The following TMEM276 variants were observed in gnomAD, a reference collection of about 807,000 sequenced individuals.
The protein encoded by TMEM276 is transmembrane protein 276.
At chr8:144,466,849 G>T in the TMEM276 span, 2 of 1,536,736 alleles carry the variant, frequency 1.3e-6, no homozygotes, top group Non-Finnish European at 1.7e-6. Context: ...GTAGGTGCGG[G>T]CTGGGAGTCC....
the TMEM276 span, chr8:144,464,625 G>A: frequency 2.5e-6 from 4 of 1,598,706 alleles, no homozygotes; most frequent in South Asian, 1.1e-5. Flanking sequence ...GTCAACACAG[G>A]GAAGGGAGAA....
chr8:144,465,218 G>A, the TMEM276 span: 2 of 1,211,222 alleles, frequency 1.7e-6, no homozygotes, highest in Non-Finnish European at 2.1e-6. Context: ...CTGGGGAAGA[G>A]AGAGCGGCGA....
the TMEM276 span, chr8:144,464,428 A>G: frequency 2.5e-6 from 4 of 1,612,154 alleles, no homozygotes; most frequent in African/African-American, 4.0e-5. Context: ...TCCTCCCAGG[A>G]GCAGGTTGGC....
the TMEM276 span, chr8:144,464,063 G>A: frequency 1.9e-6 from 3 of 1,557,742 alleles, no homozygotes; most frequent in Non-Finnish European, 2.6e-6. Flanking sequence ...AAGGCGCCAG[G>A]AGCAGGCAGG....
At chr8:144,466,994 G>A in the TMEM276 span, 1 of 1,596,972 alleles carries the variant, frequency 6.3e-7, no homozygotes, top group Non-Finnish European at 8.5e-7. Flanking sequence ...GGAAGGCGCA[G>A]CCGAGGGCCG....
the TMEM276 span, chr8:144,466,992 C>G: frequency 6.3e-7 from 1 of 1,596,900 alleles, no homozygotes; most frequent in Non-Finnish European, 8.5e-7. Context: ...TCGGAAGGCG[C>G]AGCCGAGGGC....
the TMEM276 span, chr8:144,465,020 G>C: frequency 2.6e-6 from 4 of 1,536,692 alleles, no homozygotes; most frequent in African/African-American, 1.4e-5. Context: ...GTAAGCCCAG[G>C]TTCCAGGTCC....
chr8:144,466,377 G>A, the TMEM276 span: 2 of 857,410 alleles, frequency 2.3e-6, no homozygotes, highest in South Asian at 4.0e-5. Context: ...GCGCGGGGAC[G>A]CGGGGCGGCG....
chr8:144,465,194 G>A, the TMEM276 span: 99 of 1,301,574 alleles, frequency 7.6e-5, no homozygotes, highest in Non-Finnish European at 9.5e-5. Flanking sequence ...TGGAGCCCAA[G>A]TGGGAGTGCG....
the TMEM276 span, chr8:144,466,627 C>T: frequency 1.1e-6 from 1 of 898,570 alleles, no homozygotes; most frequent in East Asian, 3.4e-5. Flanking sequence ...CGGGGCCGTG[C>T]CGAGGACCCT....
the TMEM276 span, chr8:144,465,239 G>T: frequency 5.2e-6 from 6 of 1,150,184 alleles, no homozygotes; most frequent in Non-Finnish European, 6.7e-6. Flanking sequence ...GGCGCTGCAG[G>T]CCCACGCGGC....
At chr8:144,465,067 T>A in the TMEM276 span, 1 of 1,530,164 alleles carries the variant, frequency 6.5e-7, no homozygotes, top group South Asian at 1.2e-5. Context: ...AGTCCTAGAC[T>A]TTCCGGATCC....
the TMEM276 span, chr8:144,464,041 AC>A: frequency 1.3e-6 from 2 of 1,540,912 alleles, no homozygotes; most frequent in African/African-American, 1.4e-5. Flanking sequence ...AGAAGAGTCT[AC>A]CCCTAGGGAG....
chr8:144,465,549 GCCTGGGGGAGAGGGTCGAGA>G, the TMEM276 span: 7 of 398,372 alleles, frequency 1.8e-5, no homozygotes, highest in Admixed American at 1.3e-4. Flanking sequence ...GAGGGTCGAG[GCCTGGGGGAGAGGGTCGAGA>G]CCTGGGGGGG....
At chr8:144,465,709 C>G in the TMEM276 span, 1 of 34,812 alleles carries the variant, frequency 2.9e-5, no homozygotes, top group South Asian at 1.4e-3. Context: ...AGGGCCGGGG[C>G]GGGGCTGCGA....
chr8:144,465,456 G>C, the TMEM276 span: 2,620 of 996,732 alleles, frequency 2.6e-3, 63 homozygotes, highest in African/African-American at 0.044. Context: ...CCCCAGTTGC[G>C]GGAGCGAGCG....
chr8:144,464,471 C>A, the TMEM276 span: 1 of 1,612,316 alleles, frequency 6.2e-7, no homozygotes, highest in Non-Finnish European at 8.5e-7. Context: ...CAGTGGAAAT[C>A]GAAGGCCAGA....
chr8:144,464,827 T>G, the TMEM276 span: 2 of 1,612,864 alleles, frequency 1.2e-6, no homozygotes, highest in Non-Finnish European at 1.7e-6. Flanking sequence ...TGCTCACGGC[T>G]GCGTGCAGAG....
At chr8:144,465,497 G>A in the TMEM276 span, 2 of 954,774 alleles carry the variant, frequency 2.1e-6, no homozygotes, top group Non-Finnish European at 1.2e-6. Context: ...CGAGAGGAGC[G>A]GAGGCTAGAG....
Sources: gnomAD v4.1 joint callset for allele counts on GRCh38, gnomAD v4.1.1 for gene constraint, MANE v1.5 for transcripts, NCBI Gene and HGNC (gene_info 2026-07-23, HGNC 2026-07-21) for gene names.